Variants in KCTD16 observed in about 807,000 individuals in gnomAD.
KCTD16 encodes the protein potassium channel tetramerization domain containing 16.
In KCTD16, 13 loss-of-function variants were observed where a neutral mutation model predicts 33.2. The observed-to-expected ratio is 0.39, with a 90% CI of 0.25 to 0.62. The LOEUF (loss-of-function observed/expected upper bound fraction) is 0.62, where lower values mean the gene tolerates loss of function less well. KCTD16 is among the 20% of genes least tolerant of loss of function. The pLI is 0.50. For missense variants in KCTD16, 441 were observed against 525.1 expected, an observed-to-expected ratio of 0.84 and a Z score of 1.57; for synonymous variants, 197 against 195.3, an observed-to-expected ratio of 1.01 and a Z score of -0.07.
chr5:144,421,514 G>A (rs1275101064), intron 3 of KCTD16, among the ~76,000 whole-genome samples: 2 of 152,112 alleles, frequency 1.3e-5, no homozygotes, highest in Non-Finnish European at 2.9e-5. Flanking sequence ...CATGCCATCA[G>A]TACTCCATCT....
At chr5:144,304,977 C>CTTTTT (rs146638360) in intron 3 of KCTD16, among the ~76,000 whole-genome samples, 4 of 83,406 alleles carry the variant, frequency 4.8e-5, no homozygotes, top group Non-Finnish European at 8.6e-5. Flanking sequence ...ATATCAAAAT[C>CTTTTT]TTTTTTTTTT....
At chr5:144,193,160 TC>T (rs1193833403) in intron 2 of KCTD16, among the ~76,000 whole-genome samples, 2 of 152,248 alleles carry the variant, frequency 1.3e-5, no homozygotes, top group East Asian at 3.8e-4. Context: ...TAATTTTGTT[TC>T]CCTGACAATC....
intron 3 of KCTD16, among the ~76,000 whole-genome samples, chr5:144,466,440 T>G (rs890265415): frequency 6.6e-6 from 1 of 152,002 alleles, no homozygotes; most frequent in African/African-American, 2.4e-5. Context: ...AGGTTAAATT[T>G]TATATATAAA....
At chr5:144,420,776 G>C (rs1452429295) in intron 3 of KCTD16, among the ~76,000 whole-genome samples, 1 of 152,066 alleles carries the variant, frequency 6.6e-6, no homozygotes, top group African/African-American at 2.4e-5. Context: ...GCATATCCTG[G>C]AGGTCAATAT....
chr5:144,189,568 G>A (rs538978767), intron 2 of KCTD16, among the ~76,000 whole-genome samples: 2 of 152,148 alleles, frequency 1.3e-5, no homozygotes, highest in African/African-American at 2.4e-5. Context: ...CAATTTCAGG[G>A]AATTCATGAA....
chr5:144,300,743 T>A (rs1751412082), intron 3 of KCTD16, among the ~76,000 whole-genome samples: 1 of 151,828 alleles, frequency 6.6e-6, no homozygotes, highest in South Asian at 2.1e-4. Context: ...AACAGGAGAG[T>A]CCACCCAAAG....
chr5:144,233,246 G>A (rs945645811), intron 3 of KCTD16, among the ~76,000 whole-genome samples: 1 of 152,054 alleles, frequency 6.6e-6, no homozygotes, highest in Non-Finnish European at 1.5e-5. Flanking sequence ...ACTTTTTCTG[G>A]TTGTTGTTAT....
At chr5:144,283,742 T>G (rs1057098141) in intron 3 of KCTD16, among the ~76,000 whole-genome samples, 3 of 152,182 alleles carry the variant, frequency 2.0e-5, no homozygotes, top group African/African-American at 7.2e-5. Flanking sequence ...GGAGTCTGGT[T>G]TGCTGAATAC....
intron 2 of KCTD16, among the ~76,000 whole-genome samples, chr5:144,191,686 T>G (rs1187814072): frequency 6.6e-6 from 1 of 152,110 alleles, no homozygotes; most frequent in Non-Finnish European, 1.5e-5. Flanking sequence ...TTTACCAGCT[T>G]TTGCCTCCAC....
At chr5:144,445,384 A>G (rs1490401487) in intron 3 of KCTD16, among the ~76,000 whole-genome samples, 1 of 152,014 alleles carries the variant, frequency 6.6e-6, no homozygotes, top group African/African-American at 2.4e-5. Flanking sequence ...GTGGACTGCA[A>G]TTCGAATCTC....
rs191665876 is a variant in KCTD16, at chr5:144,482,322, G to T, written c.*8208G>T. 3.3e-5 allele frequency: 5 copies of T among 152,048 alleles called. No homozygotes were observed. In the East Asian group the frequency reaches 7.8e-4, roughly 24 times the overall value. 9.4% of individuals were successfully genotyped at this position (152,048 alleles called of 1,614,324 possible). ...CAAAAATTTTCAAGGGGGCAATAATGTTGTAGAACAAGTATCTGGTGAGTA... is the reference window on the plus strand; with the variant it reads ...CAAAAATTTTCAAGGGGGCAATAATTTTGTAGAACAAGTATCTGGTGAGTA... On this transcript the variant is annotated 3_prime_UTR_variant, in exon 4 of 4. Transcript: ENST00000512467.
At chr5:144,223,988 G>A (rs1753847478) in intron 3 of KCTD16, among the ~76,000 whole-genome samples, 1 of 151,960 alleles carries the variant, frequency 6.6e-6, no homozygotes, top group South Asian at 2.1e-4. Flanking sequence ...TAAATAAAAG[G>A]TGAATTTCCC....
chr5:144,452,018 TACAA>T (rs1031970562), intron 3 of KCTD16, among the ~76,000 whole-genome samples: 11 of 151,776 alleles, frequency 7.2e-5, no homozygotes, highest in African/African-American at 2.2e-4. Context: ...TCTTTGGCGT[TACAA>T]ACAGACATTT....
intron 3 of KCTD16, among the ~76,000 whole-genome samples, chr5:144,273,027 T>C (rs141101889): frequency 1.3e-5 from 2 of 152,160 alleles, no homozygotes; most frequent in East Asian, 3.9e-4. Context: ...ATCAACAAAG[T>C]ATAAAGGTAA....
intron 3 of KCTD16, among the ~76,000 whole-genome samples, chr5:144,226,917 G>GGT (rs1753949696): frequency 6.6e-6 from 1 of 151,956 alleles, no homozygotes; most frequent in African/African-American, 2.4e-5. Flanking sequence ...ATTTGAGGGT[G>GGT]GTGTATTTTT....
chr5:144,415,705 G>A (rs1044066245), intron 3 of KCTD16, among the ~76,000 whole-genome samples: 7 of 152,076 alleles, frequency 4.6e-5, no homozygotes, highest in Non-Finnish European at 1.0e-4. Flanking sequence ...TATTTTCCAT[G>A]GTTATTAAGA....
At chr5:144,351,598 C>T (rs1411900366) in intron 3 of KCTD16, among the ~76,000 whole-genome samples, 2 of 152,154 alleles carry the variant, frequency 1.3e-5, no homozygotes, top group Non-Finnish European at 2.9e-5. Context: ...GAGATATCTG[C>T]ATTCCCATGT....
intron 3 of KCTD16, among the ~76,000 whole-genome samples, chr5:144,347,172 G>A (rs1752825060): frequency 6.6e-6 from 1 of 152,188 alleles, no homozygotes; most frequent in Non-Finnish European, 1.5e-5. Flanking sequence ...TGGCCATTGA[G>A]CACGTAAGCT....
At chr5:144,383,472 T>G (rs1217985533) in intron 3 of KCTD16, among the ~76,000 whole-genome samples, 1 of 151,784 alleles carries the variant, frequency 6.6e-6, no homozygotes, top group Non-Finnish European at 1.5e-5. Flanking sequence ...CATATGTTAA[T>G]AAGCTTTTTA....
Sources: gnomAD v4.1 joint callset for allele counts (sites outside exome capture counted in the v4.1 genomes callset) on GRCh38, gnomAD v4.1.1 for gene constraint, MANE v1.5 for transcripts, NCBI Gene and HGNC (gene_info 2026-07-23, HGNC 2026-07-21) for gene names.